Variants in TENM4 observed in about 807,000 individuals in gnomAD.
TENM4 encodes teneurin-4.
Under a neutral mutation model 243.3 loss-of-function variants are expected in TENM4, and 82 were observed. That is an observed-to-expected ratio of 0.34 (90% CI 0.28 to 0.40). TENM4 has a LOEUF of 0.40. Among genes scored for constraint, TENM4 ranks in the 10% least tolerant of loss-of-function variants. The pLI is 1.00. For missense variants in TENM4, 3,138 were observed against 3,673.3 expected, an observed-to-expected ratio of 0.85 and a Z score of 3.77; for synonymous variants, 1,412 against 1,456.3, an observed-to-expected ratio of 0.97 and a Z score of 0.69.
intron 2 of TENM4, among the ~76,000 whole-genome samples, chr11:79,233,806 CAT>C (rs1175774746): frequency 1.3e-5 from 2 of 152,184 alleles, no homozygotes; most frequent in African/African-American, 4.8e-5. Context: ...ATAGAGTTTA[CAT>C]GATTCCAGCA....
chr11:78,856,242 C>T, intron 10 of TENM4, 64 bp from the exon 11 acceptor site: 1 of 1,439,488 alleles, frequency 6.9e-7, no homozygotes, highest in Non-Finnish European at 9.5e-7. Context: ...AACGAGAAAC[C>T]AGGGCATCTG....
intron 33 of TENM4, among the ~76,000 whole-genome samples, chr11:78,660,816 G>A (rs573232293): frequency 1.3e-5 from 2 of 152,302 alleles, no homozygotes; most frequent in African/African-American, 2.4e-5. Context: ...TGGGTGGGAT[G>A]AGACTGTTTT....
intron 4 of TENM4, among the ~76,000 whole-genome samples, chr11:79,098,753 A>G (rs1460214530): frequency 6.6e-6 from 1 of 152,196 alleles, no homozygotes; most frequent in African/African-American, 2.4e-5. Flanking sequence ...AAATGAGGCT[A>G]ATGAGTCCTA....
At chr11:78,972,427 T>C (rs577697981) in intron 6 of TENM4, among the ~76,000 whole-genome samples, 1 of 152,312 alleles carries the variant, frequency 6.6e-6, no homozygotes, top group Non-Finnish European at 1.5e-5. Context: ...GCTCGTCATT[T>C]GATCTCTAGC....
At chr11:79,393,579 A>AT (rs1238000989) in intron 1 of TENM4, among the ~76,000 whole-genome samples, 36 of 152,290 alleles carry the variant, frequency 2.4e-4, no homozygotes, top group African/African-American at 8.4e-4. Flanking sequence ...CAGCTCCTTT[A>AT]TTTTAACAAT....
At chr11:79,380,337 A>G (rs1171930966) in intron 1 of TENM4, among the ~76,000 whole-genome samples, 1 of 151,342 alleles carries the variant, frequency 6.6e-6, no homozygotes, top group Non-Finnish European at 1.5e-5. Context: ...GAGGAAGAGA[A>G]TGAATGACAA....
At chr11:79,172,437 A>G (rs1363114588) in intron 3 of TENM4, among the ~76,000 whole-genome samples, 2 of 151,988 alleles carry the variant, frequency 1.3e-5, no homozygotes, top group African/African-American at 4.8e-5. Flanking sequence ...ACCCCTATCC[A>G]TTCAGTTACT....
chr11:78,748,758 T>C (rs968173163), intron 19 of TENM4, among the ~76,000 whole-genome samples: 3 of 152,232 alleles, frequency 2.0e-5, no homozygotes, highest in African/African-American at 7.2e-5. Flanking sequence ...TTTAAAGGTG[T>C]TACTACCTAT....
chr11:78,879,775 T>C (rs1446746675), intron 9 of TENM4, among the ~76,000 whole-genome samples: 3 of 144,816 alleles, frequency 2.1e-5, no homozygotes, highest in African/African-American at 7.8e-5. Flanking sequence ...CCGGCCGCCC[T>C]GTCTGGGATG....
chr11:79,191,848 T>G (rs1436953534), intron 3 of TENM4: 1 of 180,602 alleles, frequency 5.5e-6, no homozygotes, highest in Non-Finnish European at 1.1e-5. Context: ...ACCCTCTGCC[T>G]GGCAACCGCC....
At position 78,844,426 on chromosome 11, in the gene TENM4, G is replaced by A. The variant is rs141161710; in HGVS notation, c.1681+9678C>T. The stretch of plus-strand genomic sequence containing the variant: ...TGGGAGGCCAAGGCAGGCAGATCAC[G>A]AGTTCAGGAGATCGAGACCATCCTG... On this transcript the variant is annotated intron_variant, in intron 12 of 33. Coordinates refer to ENST00000278550, the MANE Select transcript of TENM4 (RefSeq NM_001098816.3). Among the ~76,000 whole-genome samples the A allele has an allele frequency of 9.3e-3, 1,410 of 152,244 alleles. 24 individuals are homozygous for A. Among genetic ancestry groups the A allele is most frequent in the African/African-American group, 0.032 (1,332 of 41,552 alleles).
intron 3 of TENM4, among the ~76,000 whole-genome samples, chr11:79,204,715 C>T (rs913140095): frequency 2.0e-5 from 3 of 152,158 alleles, no homozygotes; most frequent in African/African-American, 7.2e-5. Context: ...TGCCCTGTGT[C>T]CTAGCCATCC....
intron 9 of TENM4, among the ~76,000 whole-genome samples, chr11:78,876,005 A>C (rs537827291): frequency 6.6e-6 from 1 of 152,242 alleles, no homozygotes; most frequent in South Asian, 2.1e-4. Context: ...CAGGGACATG[A>C]GAGGAGGGCT....
chr11:79,162,169 C>T (rs566270262), intron 3 of TENM4, among the ~76,000 whole-genome samples: 2 of 152,296 alleles, frequency 1.3e-5, no homozygotes, highest in South Asian at 2.1e-4. Context: ...GCCCTGTGGG[C>T]TTTCCATGGT....
chr11:79,263,848 A>T (rs1023691288), intron 2 of TENM4, among the ~76,000 whole-genome samples: 5 of 152,228 alleles, frequency 3.3e-5, no homozygotes, highest in Admixed American at 2.6e-4. Context: ...CCTCCAGTTT[A>T]TTGAAATCTG....
intron 6 of TENM4, among the ~76,000 whole-genome samples, chr11:78,950,816 A>G (rs1432676099): frequency 6.6e-6 from 1 of 152,226 alleles, no homozygotes; most frequent in Non-Finnish European, 1.5e-5. Context: ...TTTGCTAAAG[A>G]TCACAGCTAA....
At chr11:79,114,571 C>T (rs895562165) in intron 4 of TENM4, among the ~76,000 whole-genome samples, 3 of 152,222 alleles carry the variant, frequency 2.0e-5, no homozygotes, top group Admixed American at 6.5e-5. Flanking sequence ...ATCAGAAGGG[C>T]TTCATGGGTG....
Position 79,064,797 on chromosome 11 carries a change from G to T in TENM4, c.434C>A (p.Ser145Tyr), listed in dbSNP as rs1442450582. The T allele has an allele frequency of 6.4e-7, 1 of 1,551,584 alleles. No individual in the cohort carries two copies. The highest frequency in any genetic ancestry group is 1.4e-5 in the African/African-American group (1 of 73,158). The part of the protein sequence containing the change: ...STRSGRSSCL[S>Y]SRANSNLTLT... ...TGTGAGATTGGAATTGGCCCGGCTG[G>T]ACAGGCAGGAGCTGCGCCCTGACCG... The change falls in exon 6 of 34, where the codon TCC (serine) becomes TAC (tyrosine). Residue 145 changes from serine to tyrosine, a missense_variant. By Grantham distance (144) the Ser-to-Tyr change is moderately radical. This residue lies in a region of TENM4 where 671 missense variants were observed against 614.1 expected (regional missense o/e 1.09). Coordinates refer to ENST00000278550, the MANE Select transcript of TENM4 (RefSeq NM_001098816.3).
intron 1 of TENM4, among the ~76,000 whole-genome samples, chr11:79,374,563 T>C (rs1008977201): frequency 1.3e-5 from 2 of 151,728 alleles, no homozygotes. Flanking sequence ...TATATAGATA[T>C]AGATATATCT....
Sources: allele counts gnomAD v4.1 joint callset (sites outside exome capture counted in the v4.1 genomes callset), GRCh38; gene constraint gnomAD v4.1.1; regional missense constraint gnomAD v4.1.1; transcripts MANE v1.5; gene names NCBI Gene and HGNC (gene_info 2026-07-23, HGNC 2026-07-21).